The following RSRC1 variants were observed in gnomAD, a reference collection of about 807,000 sequenced individuals.
The protein encoded by RSRC1 is arginine and serine rich coiled-coil 1, also known as serine/Arginine-related protein 53.
In RSRC1, 39 loss-of-function variants were observed where a neutral mutation model predicts 49.1. The observed-to-expected ratio is 0.79, with a 90% CI of 0.61 to 1.04. The LOEUF (loss-of-function observed/expected upper bound fraction) is 1.04, where lower values mean the gene tolerates loss of function less well. RSRC1 is among the 50% of genes least tolerant of loss of function. RSRC1 has a pLI of 0.00. For synonymous variants in RSRC1, 143 were observed against 130.8 expected, an observed-to-expected ratio of 1.09 and a Z score of -0.63; for missense variants, 388 against 402.4, an observed-to-expected ratio of 0.96 and a Z score of 0.31.
At chr3:158,230,002 A>G (rs528064660) in intron 4 of RSRC1, among the ~76,000 whole-genome samples, 3 of 152,226 alleles carry the variant, frequency 2.0e-5, no homozygotes, top group East Asian at 1.9e-4. Context: ...TGATGCATCA[A>G]TCACAGCTCC....
intron 7 of RSRC1, among the ~76,000 whole-genome samples, chr3:158,462,422 G>A (rs765981421): frequency 2.6e-5 from 4 of 151,826 alleles, no homozygotes; most frequent in African/African-American, 7.2e-5. Flanking sequence ...CTGTGGTACC[G>A]TAAATCACGT....
At chr3:158,494,058 T>C (rs191400682) in intron 7 of RSRC1, among the ~76,000 whole-genome samples, 1 of 152,276 alleles carries the variant, frequency 6.6e-6, no homozygotes, top group East Asian at 1.9e-4. Flanking sequence ...TTATTGAAAT[T>C]ATTTTATCAC....
intron 7 of RSRC1, among the ~76,000 whole-genome samples, chr3:158,487,949 G>GGAAAAAAAAAAAAAAAAAAAAAA (rs1553814781): frequency 1.7e-4 from 5 of 28,922 alleles, no homozygotes; most frequent in Non-Finnish European, 1.8e-4. Context: ...TCCATCTCAA[G>GGAAAAAAAAAAAAAAAAAAAAAA]AAAAAAAAAA....
intron 3 of RSRC1, among the ~76,000 whole-genome samples, chr3:158,181,938 G>A (rs1724727): frequency 0.58 from 87,876 of 151,958 alleles, 25,722 homozygotes; most frequent in East Asian, 0.73. Context: ...AAAAGAAACT[G>A]CCCTTGCAGA....
chr3:158,352,496 T>C (rs1184454884), intron 5 of RSRC1, among the ~76,000 whole-genome samples: 1 of 152,134 alleles, frequency 6.6e-6, no homozygotes, highest in East Asian at 1.9e-4. Context: ...AATCTTTCCT[T>C]ATGAAATACA....
chr3:158,300,950 A>G (rs1225802273), intron 5 of RSRC1, among the ~76,000 whole-genome samples: 1 of 152,156 alleles, frequency 6.6e-6, no homozygotes, highest in Non-Finnish European at 1.5e-5. Context: ...TGAAAAGGGG[A>G]AAGCAAGTGT....
At chr3:158,536,903 T>C (rs147909715) in intron 7 of RSRC1, among the ~76,000 whole-genome samples, 189 bp from the exon 8 acceptor site, 2 of 151,702 alleles carry the variant, frequency 1.3e-5, no homozygotes, top group Non-Finnish European at 3.0e-5. Context: ...GTTTTAGGTT[T>C]TGAGTATAAG....
At chr3:158,314,400 A>C (rs1728301400) in intron 5 of RSRC1, among the ~76,000 whole-genome samples, 1 of 106,716 alleles carries the variant, frequency 9.4e-6, no homozygotes. Flanking sequence ...ACCGAAAAAA[A>C]ATTCTTTTTT....
intron 3 of RSRC1, among the ~76,000 whole-genome samples, chr3:158,199,794 T>C (rs1242218686): frequency 1.3e-5 from 2 of 152,198 alleles, no homozygotes; most frequent in African/African-American, 4.8e-5. Flanking sequence ...AAGTGGATTA[T>C]TTGGTTTCCA....
intron 7 of RSRC1, among the ~76,000 whole-genome samples, chr3:158,463,730 T>G (rs55705928): frequency 0.32 from 48,814 of 151,990 alleles, 8,627 homozygotes; most frequent in Middle Eastern, 0.47. Context: ...ATCAATAACA[T>G]AATTATGTTT....
chr3:158,488,169 A>T (rs186059220), intron 7 of RSRC1, among the ~76,000 whole-genome samples: 2 of 152,014 alleles, frequency 1.3e-5, no homozygotes, highest in Non-Finnish European at 2.9e-5. Context: ...TATCCTAGAA[A>T]ATATGTTTCT....
chr3:158,533,808 C>T (rs1332541249), intron 7 of RSRC1, among the ~76,000 whole-genome samples: 1 of 151,380 alleles, frequency 6.6e-6, no homozygotes, highest in Non-Finnish European at 1.5e-5. Context: ...AGACTAGTAC[C>T]CATTATGACT....
chr3:158,143,573 GTCTATCAATAAAACAATA>G (rs1248646645), intron 3 of RSRC1, among the ~76,000 whole-genome samples: 1 of 152,082 alleles, frequency 6.6e-6, no homozygotes, highest in African/African-American at 2.4e-5. Context: ...CTAGGTTCAT[GTCTATCAATAAAACAATA>G]GCTTATAAAA....
intron 3 of RSRC1, among the ~76,000 whole-genome samples, chr3:158,198,672 T>A (rs1163103405): frequency 6.6e-6 from 1 of 152,072 alleles, no homozygotes; most frequent in East Asian, 1.9e-4. Context: ...CCCACTGTCG[T>A]GCACCCACTG....
rs565968599 is a variant in RSRC1 at position 158,483,088 on chromosome 3, A to G, written c.652+22085A>G. On this transcript the variant is annotated intron_variant, in intron 7 of 9. Transcript: ENST00000611884. ...ATGTTTTAATTATCATACTCCCAGTAGCCATTTGAAGGACACACATAAAAT... is the reference window on the plus strand; with the variant it reads ...ATGTTTTAATTATCATACTCCCAGTGGCCATTTGAAGGACACACATAAAAT... 2.0e-5 allele frequency among the ~76,000 whole-genome samples: 3 copies of G among 152,142 alleles called. No homozygotes were observed. In the South Asian group the frequency reaches 6.2e-4, roughly 31 times the overall value.
intron 7 of RSRC1, among the ~76,000 whole-genome samples, chr3:158,517,022 G>A (rs141917901): frequency 0.017 from 2,524 of 152,244 alleles, 76 homozygotes; most frequent in African/African-American, 0.057. Flanking sequence ...GATGAACCCG[G>A]TACCTCAGAT....
rs62287900 is a variant in RSRC1, at chr3:158,526,252, G to A, written c.653-10840G>A. On this transcript the variant is annotated intron_variant, in intron 7 of 9. Transcript: ENST00000611884. Reference sequence around the variant, plus strand: ...TACATAAAATTGATAAAATAAGCACGTAAAATCATAACTATTAATCATGTA... The same window carrying A: ...TACATAAAATTGATAAAATAAGCACATAAAATCATAACTATTAATCATGTA... Among the ~76,000 whole-genome samples, 432 of 151,918 alleles carry A rather than the reference G, an allele frequency of 2.8e-3. 3 individuals carry two copies. Among genetic ancestry groups the A allele is most frequent in the Non-Finnish European group, 5.0e-3 (337 of 67,904 alleles).
At chr3:158,318,015 T>G (rs1209616344) in intron 5 of RSRC1, among the ~76,000 whole-genome samples, 2 of 130,922 alleles carry the variant, frequency 1.5e-5, no homozygotes, top group African/African-American at 2.9e-5. Context: ...CATTATGAAG[T>G]TTTGTGTGTG....
chr3:158,466,768 A>G (rs998251451), intron 7 of RSRC1, among the ~76,000 whole-genome samples: 2 of 152,366 alleles, frequency 1.3e-5, no homozygotes, highest in East Asian at 1.9e-4. Flanking sequence ...ATAGTATTTT[A>G]AAAGCACTTC....
Sources: gnomAD v4.1 joint callset for allele counts (sites outside exome capture counted in the v4.1 genomes callset) on GRCh38, gnomAD v4.1.1 for gene constraint, MANE v1.5 for transcripts, NCBI Gene and HGNC (gene_info 2026-07-23, HGNC 2026-07-21) for gene names.